The following CEP295 variants were observed in gnomAD, a reference collection of about 807,000 sequenced individuals.
CEP295 encodes the protein centrosomal protein 295.
A neutral mutation model predicts 291.6 loss-of-function variants in CEP295; 190 were observed. The observed-to-expected ratio is 0.65, with a 90% CI of 0.58 to 0.73. The LOEUF is 0.73. Among genes scored for constraint, CEP295 ranks in the 30% least tolerant of loss-of-function variants. The pLI, the probability that CEP295 is intolerant of heterozygous loss-of-function variation, is 0.00. For missense variants in CEP295, 2,863 were observed against 2,949.4 expected, an observed-to-expected ratio of 0.97 and a Z score of 0.68; for synonymous variants, 993 against 1,038.8, an observed-to-expected ratio of 0.96 and a Z score of 0.85.
chr11:93,679,964 T>C (rs946443948), intron 7 of CEP295, among the ~76,000 whole-genome samples: 1 of 152,188 alleles, frequency 6.6e-6, no homozygotes, highest in Admixed American at 6.5e-5. Context: ...TGATCCTTGC[T>C]ACCGGAGCTT....
chr11:93,688,090 C>G (rs1951335322), intron 10 of CEP295, among the ~76,000 whole-genome samples: 1 of 152,040 alleles, frequency 6.6e-6, no homozygotes, highest in Non-Finnish European at 1.5e-5. Context: ...ATCAATGAAT[C>G]AAAATTAACC....
At chr11:93,662,740 T>C (rs1219584635) in intron 1 of CEP295, among the ~76,000 whole-genome samples, 1 of 152,224 alleles carries the variant, frequency 6.6e-6, no homozygotes, top group African/African-American at 2.4e-5. Context: ...CAATGGATAC[T>C]AACGTCAATG....
intron 14 of CEP295, 38 bp from the exon 15 acceptor site, chr11:93,696,644 A>T: frequency 6.8e-7 from 1 of 1,480,208 alleles, no homozygotes; most frequent in Admixed American, 2.6e-5. Context: ...TTTATTTTTC[A>T]TTAAAAAACA....
rs1469619823 is a variant in CEP295 at position 93,698,886 on chromosome 11, C to G, written c.3974C>G (p.Ser1325Ter). Residue 1325 changes from serine (S) to a stop codon, truncating the protein, a stop_gained, in exon 15 of 30, where the codon TCA becomes TGA. Transcript: ENST00000325212. LOFTEE classifies it high-confidence loss of function. ...ACAGAGAGTGAAAGTAAAATTTTTT[C>G]AAGCCACCTTCAGATCCCACAATTG... ...LFTESESKIF[S>*]SHLQIPQLQD... is the part of the protein sequence containing the mutation. 6.4e-7 allele frequency: 1 copy of G among 1,551,660 alleles called. No individual in the cohort carries two copies. Among genetic ancestry groups the G allele is most frequent in the Admixed American group, 2.0e-5 (1 of 50,994 alleles).
intron 18 of CEP295, among the ~76,000 whole-genome samples, chr11:93,718,557 C>CT (rs1953440890): frequency 6.6e-6 from 1 of 152,176 alleles, no homozygotes; most frequent in Non-Finnish European, 1.5e-5. Flanking sequence ...TTATTTTTCA[C>CT]TTCTTACTAC....
chr11:93,679,258 G>A (rs1168266600), intron 6 of CEP295, among the ~76,000 whole-genome samples, 154 bp from the exon 7 acceptor site: 6 of 152,102 alleles, frequency 3.9e-5, no homozygotes, highest in African/African-American at 1.4e-4. Flanking sequence ...CCCTTTCATA[G>A]GTACATGCCG....
At chr11:93,685,862 C>G (rs1565448204) in intron 9 of CEP295, among the ~76,000 whole-genome samples, 2 of 152,250 alleles carry the variant, frequency 1.3e-5, no homozygotes, top group Middle Eastern at 3.4e-3. Context: ...AGCCACACAC[C>G]ACCATGCCTG....
In CEP295 at chr11:93,696,700, T is replaced by A; in HGVS notation, c.1788T>A (p.Val596=). ...TTGGTAGGTTACACAGGCAGTCTGTTGAAACAGCCAGGAAACAATTACTTG... is the reference window on the plus strand; with the variant it reads ...TTGGTAGGTTACACAGGCAGTCTGTAGAAACAGCCAGGAAACAATTACTTG... The part of the protein sequence containing the change: ...LQQNRLHRQS[V]ETARKQLLEY... The change falls in exon 15 of 30, where the codon GTT becomes GTA. Residue 596 remains valine (V), a synonymous_variant. Transcript: ENST00000325212. The A allele has an allele frequency of 6.5e-7, 1 of 1,548,700 alleles. No homozygotes were observed.
At chr11:93,681,237 GT>G (rs11320777) in intron 7 of CEP295, among the ~76,000 whole-genome samples, 74,906 of 141,390 alleles carry the variant, frequency 0.53, 19,892 homozygotes, top group Non-Finnish European at 0.57. Flanking sequence ...TTCATGTGTT[GT>G]TTTTTTTTTT....
At chr11:93,722,796 T>C (rs1345671420) in intron 20 of CEP295, 4 of 348,632 alleles carry the variant, frequency 1.1e-5, no homozygotes, top group Middle Eastern at 8.2e-4. Context: ...TCTTGCTCTG[T>C]TGCCAGGCTG....
At chr11:93,712,779 A>G (rs1294950755) in intron 18 of CEP295, among the ~76,000 whole-genome samples, 2 of 151,884 alleles carry the variant, frequency 1.3e-5, no homozygotes, top group African/African-American at 4.8e-5. Context: ...TTGATAAGTA[A>G]TGATTTACTC....
At chr11:93,711,916 T>C (rs1030782132) in intron 18 of CEP295, among the ~76,000 whole-genome samples, 12 of 152,102 alleles carry the variant, frequency 7.9e-5, no homozygotes, top group Non-Finnish European at 1.5e-4. Context: ...GAGAAGAATA[T>C]GTATTCTGTA....
intron 10 of CEP295, among the ~76,000 whole-genome samples, chr11:93,688,768 A>G (rs1951375166): frequency 6.6e-6 from 1 of 152,096 alleles, no homozygotes; most frequent in Admixed American, 6.6e-5. Context: ...ATGTCTCCCA[A>G]GTATGCATTT....
rs1052815304 is a variant in CEP295 at position 93,679,450 on chromosome 11, A to G, written c.663A>G (p.Arg221=). 1 of 1,551,596 alleles carries G rather than the reference A, an allele frequency of 6.4e-7. No individual in the cohort carries two copies. Among genetic ancestry groups the G allele is most frequent in the Middle Eastern group, 1.7e-4 (1 of 5,994 alleles). ...TGGCTGCTGAAGAGGAAGCTAAACG[A>G]TTGGAAGAACTACAAAAACAGGCAG... ...ARLAAEEEAK[R]LEELQKQAAQ... is the part of the protein sequence containing the mutation. Residue 221 remains arginine (R), a synonymous_variant, in exon 7 of 30, where the codon CGA becomes CGG. Coordinates refer to ENST00000325212, the MANE Select transcript of CEP295 (RefSeq NM_033395.2).
chr11:93,687,526 G>C (rs1481802618), intron 9 of CEP295, 118 bp from the exon 10 acceptor site: 1 of 593,182 alleles, frequency 1.7e-6, no homozygotes, highest in Non-Finnish European at 2.9e-6. Flanking sequence ...TAAATATGAG[G>C]AAAATAAAAC....
rs184784517 is a variant in CEP295, at chr11:93,688,029, C to T, written c.1336+164C>T. ...ATAAAAGCCTTAGTGAATCTTCTTC[C>T]GGACCACTTTTAATCTAGTATAGTT... On this transcript the variant is annotated intron_variant, in intron 10 of 29. Coordinates refer to ENST00000325212, the MANE Select transcript of CEP295 (RefSeq NM_033395.2). Among the ~76,000 whole-genome samples, 184 of 151,950 alleles carry T rather than the reference C, an allele frequency of 1.2e-3. 2 individuals are homozygous for T. Among genetic ancestry groups the T allele is most frequent in the Non-Finnish European group, 2.1e-3 (142 of 67,930 alleles).
At chr11:93,727,673 A>G (rs2135359716) in intron 24 of CEP295, 36 bp downstream of exon 24, 1 of 1,456,198 alleles carries the variant, frequency 6.9e-7, no homozygotes, top group East Asian at 2.5e-5. Context: ...TAACATTTAA[A>G]TTCCTTTTTG....
chr11:93,667,757 T>C lies in CEP295; in HGVS notation c.259T>C (p.Leu87=). The change falls in exon 3 of 30, where the codon TTG becomes CTG. Residue 87 remains leucine (L), a synonymous_variant. Coordinates refer to ENST00000325212, the MANE Select transcript of CEP295 (RefSeq NM_033395.2). The part of the protein sequence containing the change: ...QKIQNLEKLY[L]ASLRSMGEGH... ...AATACAGAACTTGGAAAAACTGTAT[T>C]TGGCAAGTTTAAGAAGTATGGGAGA... The C allele has an allele frequency of 1.3e-6, 2 of 1,551,364 alleles. No individual in the cohort carries two copies. The highest frequency in any genetic ancestry group is 1.7e-6 in the Non-Finnish European group (2 of 1,146,830).
rs117114508 is a variant in CEP295 at position 93,708,670 on chromosome 11, G to A, written c.5749+1773G>A. Among the ~76,000 whole-genome samples the A allele has an allele frequency of 2.9e-3, 436 of 152,274 alleles. 4 individuals carry two copies. Among genetic ancestry groups the A allele is most frequent in the East Asian group, 0.02 (102 of 5,188 alleles). On this transcript the variant is annotated intron_variant, in intron 18 of 29. Coordinates refer to ENST00000325212, the MANE Select transcript of CEP295 (RefSeq NM_033395.2). Reference sequence around the variant, plus strand: ...TTACTTTCTTTTGAGTATATACCTAGCAGCAGGATTGCCGAATCATATGGT... The same window carrying A: ...TTACTTTCTTTTGAGTATATACCTAACAGCAGGATTGCCGAATCATATGGT...
Sources: gnomAD v4.1 joint callset for allele counts (sites outside exome capture counted in the v4.1 genomes callset) on GRCh38, gnomAD v4.1.1 for gene constraint, MANE v1.5 for transcripts, NCBI Gene and HGNC (gene_info 2026-07-23, HGNC 2026-07-21) for gene names.